Variants in FAM3B observed in about 807,000 individuals in gnomAD.
FAM3B encodes protein FAM3B.
Under a neutral mutation model 28.4 loss-of-function variants are expected in FAM3B, and 29 were observed. The ratio of observed to expected loss-of-function variants is 1.02; its 90% CI spans 0.76 to 1.39. The LOEUF (loss-of-function observed/expected upper bound fraction) is 1.39. Ranked by LOEUF, FAM3B falls within the 40% of genes most tolerant of loss-of-function variation. The probability of loss-of-function intolerance (pLI) is 0.00; values close to 1 mark genes in which losing one functional copy is unlikely to be tolerated. For missense variants in FAM3B, 266 were observed against 293.9 expected, an observed-to-expected ratio of 0.91 and a Z score of 0.69; for synonymous variants, 91 against 103.0, an observed-to-expected ratio of 0.88 and a Z score of 0.71.
intron 1 of FAM3B, chr21:41,320,621 T>A (rs1027881121): frequency 6.6e-6 from 1 of 152,300 alleles, no homozygotes; most frequent in Admixed American, 6.6e-5. Context: ...GATGTCCCGA[T>A]CCCAGTGCTG....
rs756450241 is a variant in FAM3B, at chr21:41,322,879, G to A, written c.20-44G>A. 56 of 1,614,090 alleles carry A rather than the reference G, an allele frequency of 3.5e-5. 1 individual carries two copies. Among genetic ancestry groups the A allele is most frequent in the Middle Eastern group, 3.3e-4 (2 of 6,062 alleles). The stretch of plus-strand genomic sequence containing the variant: ...ATGGGGAGGGCCAAGGGCCAGGGCC[G>A]CCACCAAGTCGTTCACAGCAGCTGC... On this transcript the variant is annotated intron_variant, in intron 1 of 7. Coordinates refer to ENST00000357985, the MANE Select transcript of FAM3B (RefSeq NM_058186.4).
At chr21:41,307,819 A>G (rs992809953) in intron 1 of FAM3B, among the ~76,000 whole-genome samples, 14 of 152,182 alleles carry the variant, frequency 9.2e-5, no homozygotes, top group Non-Finnish European at 1.8e-4. Flanking sequence ...AACATCAAAG[A>G]TGTCTGATCA....
chr21:41,320,141 C>T (rs1197449126), intron 1 of FAM3B: 1 of 152,068 alleles, frequency 6.6e-6, no homozygotes, highest in Admixed American at 6.6e-5. Context: ...GATGATGTCT[C>T]GCTGTCATCC....
At chr21:41,348,923 G>C (rs2089089537) in intron 7 of FAM3B, among the ~76,000 whole-genome samples, 199 bp downstream of exon 7, 1 of 152,212 alleles carries the variant, frequency 6.6e-6, no homozygotes, top group Admixed American at 6.5e-5. Flanking sequence ...TGAATGGGCT[G>C]TTGGTATTGG....
chr21:41,321,032 A>G (rs925379455), intron 1 of FAM3B: 1 of 152,196 alleles, frequency 6.6e-6, no homozygotes, highest in African/African-American at 2.4e-5. Context: ...CTTGTTGCTC[A>G]GGATCTCAGG....
intron 7 of FAM3B, among the ~76,000 whole-genome samples, chr21:41,352,904 A>C (rs972534178): frequency 5.9e-5 from 9 of 152,258 alleles, no homozygotes; most frequent in African/African-American, 2.2e-4. Context: ...TAATTGCACC[A>C]ACTTAATGGA....
At chr21:41,348,798 TG>T in intron 7 of FAM3B, 74 bp downstream of exon 7, 5 of 1,554,076 alleles carry the variant, frequency 3.2e-6, no homozygotes, top group Non-Finnish European at 4.4e-6. Flanking sequence ...ACGTTCCTGG[TG>T]GGTTATAACT....
chr21:41,311,250 AAAT>A (rs1187873744), intron 1 of FAM3B, among the ~76,000 whole-genome samples: 11 of 55,964 alleles, frequency 2.0e-4, no homozygotes, highest in African/African-American at 3.1e-4. Flanking sequence ...AAAAAAAAAA[AAAT>A]ATATATATAT....
intron 2 of FAM3B, among the ~76,000 whole-genome samples, chr21:41,328,672 T>C (rs1195565832): frequency 6.6e-6 from 1 of 152,182 alleles, no homozygotes; most frequent in South Asian, 2.1e-4. Flanking sequence ...GAAGAAACTG[T>C]AGGCTATTTG....
intron 2 of FAM3B, among the ~76,000 whole-genome samples, chr21:41,335,903 A>AAAGC (rs2145815058): frequency 6.6e-6 from 1 of 152,326 alleles, no homozygotes; most frequent in South Asian, 2.1e-4. Context: ...CTGTATGTCT[A>AAAGC]TTAGATGCTT....
chr21:41,344,531 A>C lies in FAM3B; in HGVS notation c.343A>C (p.Asn115His). 6.2e-7 allele frequency: 1 copy of C among 1,613,516 alleles called. No homozygotes were observed. Among genetic ancestry groups the C allele is most frequent in the Non-Finnish European group, 8.5e-7 (1 of 1,179,358 alleles). Residue 115 changes from asparagine (N) to histidine (H), a missense_variant, in exon 4 of 8, where the codon AAC becomes CAC. Coordinates refer to ENST00000357985, the MANE Select transcript of FAM3B (RefSeq NM_058186.4). ...VARGINIAIV[N>H]YVTGNVTATR... is the part of the protein sequence containing the mutation. The stretch of plus-strand genomic sequence containing the variant: ...CAGAGGAATAAACATTGCCATTGTC[A>C]ACTGTAAGTTACTAAACATTTTCTT...
intron 2 of FAM3B, among the ~76,000 whole-genome samples, chr21:41,324,649 C>T (rs895785531): frequency 2.0e-5 from 3 of 152,190 alleles, no homozygotes; most frequent in African/African-American, 7.2e-5. Context: ...TATTTAGTAA[C>T]AGCATCCCTC....
At chr21:41,323,212 AT>A in intron 2 of FAM3B, 146 bp downstream of exon 2, 2 of 1,109,448 alleles carry the variant, frequency 1.8e-6, no homozygotes, top group East Asian at 2.5e-5. Context: ...GCAGTTACTC[AT>A]TTAGGTCCCA....
intron 3 of FAM3B, among the ~76,000 whole-genome samples, chr21:41,343,349 TC>T (rs2089024403): frequency 6.6e-6 from 1 of 152,244 alleles, no homozygotes; most frequent in South Asian, 2.1e-4. Flanking sequence ...TTATTTGGTC[TC>T]TAACGTATAC....
intron 1 of FAM3B, among the ~76,000 whole-genome samples, chr21:41,308,653 C>T (rs1478625151): frequency 6.6e-6 from 1 of 151,304 alleles, no homozygotes; most frequent in Non-Finnish European, 1.5e-5. Flanking sequence ...GATCCTCCTG[C>T]CCCAGCCTCC....
intron 2 of FAM3B, among the ~76,000 whole-genome samples, chr21:41,325,275 CTT>C (rs2088846074): frequency 6.6e-6 from 1 of 152,196 alleles, no homozygotes; most frequent in African/African-American, 2.4e-5. Flanking sequence ...GAGAAACACT[CTT>C]TGATGGCTTC....
chr21:41,333,392 G>T (rs531517200), intron 2 of FAM3B, among the ~76,000 whole-genome samples: 1 of 152,224 alleles, frequency 6.6e-6, no homozygotes, highest in East Asian at 1.9e-4. Flanking sequence ...CATCTTCTTG[G>T]TGCTTTTCTC....
At chr21:41,304,593 C>T (rs1360991714) in intron 1 of FAM3B, among the ~76,000 whole-genome samples, 2 of 152,206 alleles carry the variant, frequency 1.3e-5, no homozygotes, top group Admixed American at 1.3e-4. Flanking sequence ...GGGCATGGAC[C>T]CCAGGCTCTG....
At chr21:41,311,800 G>A (rs1231440335) in intron 1 of FAM3B, among the ~76,000 whole-genome samples, 1 of 152,140 alleles carries the variant, frequency 6.6e-6, no homozygotes, top group East Asian at 1.9e-4. Flanking sequence ...ATAATTGTGT[G>A]TATTAGTCCA....
Sources: allele counts gnomAD v4.1 joint callset (sites outside exome capture counted in the v4.1 genomes callset), GRCh38; gene constraint gnomAD v4.1.1; transcripts MANE v1.5; gene names NCBI Gene and HGNC (gene_info 2026-07-23, HGNC 2026-07-21).